Variants in LNX2 observed in about 807,000 individuals in gnomAD.
The protein encoded by LNX2 is ligand of numb-protein X 2.
In LNX2, 35 loss-of-function variants were observed where a neutral mutation model predicts 66.2. The ratio of observed to expected loss-of-function variants is 0.53; its 90% CI spans 0.40 to 0.70. The LOEUF is 0.70. LNX2 is among the 30% of genes least tolerant of loss of function. LNX2 has a pLI of 0.00. For missense variants in LNX2, 791 were observed against 850.8 expected (o/e 0.93, Z 0.87); for synonymous variants, 337 against 315.6 (o/e 1.07, Z -0.72).
In LNX2 at chr13:27,583,253, T is replaced by TCAC; in HGVS notation, c.-100-1451_-100-1450insGTG. Among the ~76,000 whole-genome samples the TCAC allele has an allele frequency of 4.3e-5, 2 of 46,924 alleles. 1 individual carries two copies. The highest frequency in any genetic ancestry group is 1.6e-3 in the East Asian group (2 of 1,242). The allele number at this position is 46,924 out of a possible 152,430, so 30.8% of individuals were successfully genotyped here. ...GTGTGTGTGTGTGTGTGTGTGTGTG[T>TCAC]GTGCGCGCGTCCTCTCCAACATACT... On this transcript the variant is annotated intron_variant, in intron 1 of 9. Transcript: ENST00000316334.
intron 1 of LNX2, among the ~76,000 whole-genome samples, chr13:27,588,074 C>T (rs1043498437): frequency 2.8e-5 from 4 of 142,974 alleles, no homozygotes; most frequent in African/African-American, 1.0e-4. Flanking sequence ...ACTTGTTTGA[C>T]TTCAGAACCC....
chr13:27,576,447 T>C (rs915364916), intron 2 of LNX2, among the ~76,000 whole-genome samples: 1 of 152,030 alleles, frequency 6.6e-6, no homozygotes, highest in Non-Finnish European at 1.5e-5. Context: ...CTGGGCATGG[T>C]GGCTCACGCC....
At chr13:27,602,887 T>G (rs1382472080) in intron 1 of LNX2, among the ~76,000 whole-genome samples, 1 of 152,220 alleles carries the variant, frequency 6.6e-6, no homozygotes, top group Non-Finnish European at 1.5e-5. Flanking sequence ...AATTAATATT[T>G]TAATTACTTT....
chr13:27,550,534 C>G, intron 8 of LNX2, 43 bp from the exon 9 acceptor site: 5 of 1,489,572 alleles, frequency 3.4e-6, no homozygotes, highest in Non-Finnish European at 4.6e-6. Context: ...AACATGGAGG[C>G]TTTTATAGCC....
chr13:27,570,766 C>G (rs1184581486), intron 2 of LNX2, among the ~76,000 whole-genome samples: 2 of 148,552 alleles, frequency 1.3e-5, no homozygotes, highest in Non-Finnish European at 2.9e-5. Context: ...TTTACAAAAT[C>G]ACATCATACA....
intron 2 of LNX2, among the ~76,000 whole-genome samples, chr13:27,579,777 A>T (rs374919883): frequency 6.6e-6 from 1 of 152,214 alleles, no homozygotes; most frequent in Non-Finnish European, 1.5e-5. Context: ...CTACTGAAAG[A>T]AGCAGCCTGA....
At chr13:27,553,874 A>G (rs1195311228) in intron 7 of LNX2, among the ~76,000 whole-genome samples, 1 of 152,218 alleles carries the variant, frequency 6.6e-6, no homozygotes, top group Non-Finnish European at 1.5e-5. Flanking sequence ...AGTTCTATAC[A>G]TAAGGACAGC....
intron 2 of LNX2, among the ~76,000 whole-genome samples, chr13:27,575,915 A>C (rs1279018243): frequency 2.0e-5 from 3 of 152,344 alleles, no homozygotes; most frequent in Non-Finnish European, 2.9e-5. Flanking sequence ...AATGGAAGAA[A>C]TGGAGGAAAA....
At position 27,583,237 on chromosome 13, in the gene LNX2, T is replaced by TGCGC. The variant is rs1955435167; in HGVS notation, c.-100-1435_-100-1434insGCGC. ...GTGTGTGTGTGTGTGTGTGTGTGTG[T>TGCGC]GTGTGTGTGTGTGTGTGTGCGCGCG... On this transcript the variant is annotated intron_variant, in intron 1 of 9. Transcript: ENST00000316334. Among the ~76,000 whole-genome samples, 7 of 17,146 alleles carry TGCGC rather than the reference T, an allele frequency of 4.1e-4. 3 individuals are homozygous for TGCGC. The highest frequency in any genetic ancestry group is 1.3e-3 in the Admixed American group (2 of 1,514). 11.2% of individuals were successfully genotyped at this position (17,146 alleles called of 152,430 possible).
chr13:27,611,710 G>C (rs7999329), intron 1 of LNX2, among the ~76,000 whole-genome samples: 31,076 of 152,042 alleles, frequency 0.2, 3,300 homozygotes, highest in South Asian at 0.23. Flanking sequence ...TACTGTCTAA[G>C]TGCAAACCAT....
intron 1 of LNX2, among the ~76,000 whole-genome samples, chr13:27,613,541 A>G (rs184278575): frequency 6.6e-6 from 1 of 152,298 alleles, no homozygotes; most frequent in Non-Finnish European, 1.5e-5. Context: ...GGAGGCCAAG[A>G]CACGCAAATC....
At chr13:27,573,617 G>A (rs1411279087) in intron 2 of LNX2, among the ~76,000 whole-genome samples, 1 of 152,098 alleles carries the variant, frequency 6.6e-6, no homozygotes, top group Non-Finnish European at 1.5e-5. Flanking sequence ...TGGCGTGAGT[G>A]TTGAGGGTGT....
In LNX2 at chr13:27,553,307, T is replaced by C; in HGVS notation, c.1679A>G (p.Glu560Gly). 1 of 1,614,184 alleles carries C rather than the reference T, an allele frequency of 6.2e-7. No individual in the cohort carries two copies. Among genetic ancestry groups the C allele is most frequent in the Non-Finnish European group, 8.5e-7 (1 of 1,180,020 alleles). The change falls in exon 8 of 10, where the codon GAG (glutamate) becomes GGG (glycine). Residue 560 changes from glutamate (E) to glycine (G), a missense_variant. Coordinates refer to ENST00000316334, the MANE Select transcript of LNX2 (RefSeq NM_153371.4). ...LKALEVQIVE[E>G]ATQNAEEQPS... is the part of the protein sequence containing the mutation. ...CTGCTCCTCCGCGTTCTGAGTCGCC[T>C]CCTCAACAATCTGGACCTCAAGTGC...
intron 1 of LNX2, among the ~76,000 whole-genome samples, chr13:27,606,946 A>C (rs1955723511): frequency 6.6e-6 from 1 of 152,236 alleles, no homozygotes; most frequent in African/African-American, 2.4e-5. Flanking sequence ...AGCACTAAAA[A>C]TGAAGTTGCA....
intron 1 of LNX2, among the ~76,000 whole-genome samples, chr13:27,606,303 G>A (rs1441968507): frequency 6.8e-6 from 1 of 146,458 alleles, no homozygotes; most frequent in African/African-American, 2.5e-5. Flanking sequence ...TTATCATGAA[G>A]ATGCCCAGAT....
rs1033193096 is a variant in LNX2, at chr13:27,560,610, C to T, written c.1225-625G>A. On this transcript the variant is annotated intron_variant, in intron 5 of 9. Coordinates refer to ENST00000316334, the MANE Select transcript of LNX2 (RefSeq NM_153371.4). ...AGCATACTTGTGTGAATGTGACACACGTCTCCAGTGTTAAATTATTTTAGA... is the reference window on the plus strand; with the variant it reads ...AGCATACTTGTGTGAATGTGACACATGTCTCCAGTGTTAAATTATTTTAGA... Among the ~76,000 whole-genome samples, 5 of 124,288 alleles carry T rather than the reference C, an allele frequency of 4.0e-5. No individual in the cohort carries two copies. The East Asian group carries it at 1.1e-3, about 27-fold the overall frequency. The allele number at this position is 124,288 out of a possible 152,430, so 81.5% of individuals were successfully genotyped here. A position where few individuals can be genotyped will look rare whatever the true frequency, so the allele number is the denominator to read the frequency against.
At chr13:27,608,691 T>C (rs926561794) in intron 1 of LNX2, among the ~76,000 whole-genome samples, 16 of 152,210 alleles carry the variant, frequency 1.1e-4, no homozygotes, top group African/African-American at 3.9e-4. Flanking sequence ...TATTGCTAAA[T>C]TTTAAATTAA....
chr13:27,592,004 G>A (rs762019782), intron 1 of LNX2, among the ~76,000 whole-genome samples: 9 of 152,196 alleles, frequency 5.9e-5, no homozygotes, highest in Non-Finnish European at 8.8e-5. Flanking sequence ...GAATGTCCCT[G>A]GTGTGTTCAA....
intron 1 of LNX2, among the ~76,000 whole-genome samples, chr13:27,587,522 A>G (rs1474155968): frequency 6.6e-6 from 1 of 152,240 alleles, no homozygotes; most frequent in Non-Finnish European, 1.5e-5. Context: ...ATATTCATAT[A>G]TGAGGAAATA....
Sources: allele counts gnomAD v4.1 joint callset (sites outside exome capture counted in the v4.1 genomes callset), GRCh38; gene constraint gnomAD v4.1.1; transcripts MANE v1.5; gene names NCBI Gene and HGNC (gene_info 2026-07-23, HGNC 2026-07-21).